The following RNF180 variants were observed in gnomAD, a reference collection of about 807,000 sequenced individuals.
RNF180 encodes the protein ring finger protein 180.
Under a neutral mutation model 59.2 loss-of-function variants are expected in RNF180, and 38 were observed. The ratio of observed to expected loss-of-function variants is 0.64; its 90% CI spans 0.50 to 0.84. The LOEUF is 0.84. Ranked by LOEUF, RNF180 falls within the 40% of genes least tolerant of loss-of-function variation. The pLI is 0.00. For missense variants in RNF180, 705 were observed against 700.9 expected (o/e 1.01, Z -0.07); for synonymous variants, 262 against 240.3 (o/e 1.09, Z -0.84).
chr5:64,197,247 A>G (rs1370351873), intron 1 of RNF180, among the ~76,000 whole-genome samples: 1 of 152,210 alleles, frequency 6.6e-6, no homozygotes. Flanking sequence ...TTTCGTTCCT[A>G]AGTATTTTAA....
chr5:64,186,528 C>T (rs576063495), intron 1 of RNF180, among the ~76,000 whole-genome samples: 1 of 152,072 alleles, frequency 6.6e-6, no homozygotes, highest in East Asian at 1.9e-4. Context: ...TAGAACCCCT[C>T]TCACCCTCTC....
At chr5:64,326,397 T>A (rs781431886) in intron 6 of RNF180, among the ~76,000 whole-genome samples, 30 of 152,142 alleles carry the variant, frequency 2.0e-4, no homozygotes, top group African/African-American at 6.3e-4. Context: ...AAGCATACAT[T>A]GCTTACTATA....
chr5:64,366,356 T>G (rs1746447451), intron 7 of RNF180, among the ~76,000 whole-genome samples: 1 of 151,614 alleles, frequency 6.6e-6, no homozygotes, highest in East Asian at 1.9e-4. Flanking sequence ...GACTACACTT[T>G]GTAGGTGGTC....
chr5:64,341,525 G>A (rs1038673468), intron 7 of RNF180, among the ~76,000 whole-genome samples: 1 of 152,104 alleles, frequency 6.6e-6, no homozygotes, highest in Non-Finnish European at 1.5e-5. Context: ...TGGGGCCATG[G>A]GCAATGTATG....
At chr5:64,346,318 A>G (rs544314665) in intron 7 of RNF180, among the ~76,000 whole-genome samples, 47 of 147,056 alleles carry the variant, frequency 3.2e-4, no homozygotes, top group Non-Finnish European at 5.7e-4. Flanking sequence ...AACAAAAACA[A>G]TTCCGGCTAC....
chr5:64,329,514 A>G (rs982809204), intron 6 of RNF180, among the ~76,000 whole-genome samples: 8 of 147,942 alleles, frequency 5.4e-5, no homozygotes, highest in Non-Finnish European at 8.9e-5. Context: ...CTGGAGTGCA[A>G]TGGTGCCATC....
intron 1 of RNF180, among the ~76,000 whole-genome samples, chr5:64,192,448 C>G (rs566514739): frequency 6.6e-6 from 1 of 151,906 alleles, no homozygotes; most frequent in Non-Finnish European, 1.5e-5. Context: ...CTGAGGCTGG[C>G]GGATCGTGAG....
At chr5:64,182,216 C>T (rs1396997435) in intron 1 of RNF180, among the ~76,000 whole-genome samples, 1 of 152,026 alleles carries the variant, frequency 6.6e-6, no homozygotes, top group East Asian at 1.9e-4. Context: ...TGGTCTTGAT[C>T]TCCTGACCTC....
chr5:64,190,957 T>A (rs1003864614), intron 1 of RNF180, among the ~76,000 whole-genome samples: 1 of 152,242 alleles, frequency 6.6e-6, no homozygotes, highest in Non-Finnish European at 1.5e-5. Context: ...TATATCATAC[T>A]GATGAAGTAT....
intron 5 of RNF180, among the ~76,000 whole-genome samples, chr5:64,219,540 G>C (rs1752802827): frequency 6.6e-6 from 1 of 151,874 alleles, no homozygotes. Flanking sequence ...AATTGACATG[G>C]AGTCTTGCTC....
At chr5:64,187,252 A>G (rs978509553) in intron 1 of RNF180, among the ~76,000 whole-genome samples, 5 of 152,204 alleles carry the variant, frequency 3.3e-5, no homozygotes, top group South Asian at 2.1e-4. Context: ...GGGACAGGAT[A>G]TGAAGTACTG....
chr5:64,346,733 C>T (rs1156383186), intron 7 of RNF180, among the ~76,000 whole-genome samples: 1 of 151,988 alleles, frequency 6.6e-6, no homozygotes, highest in Non-Finnish European at 1.5e-5. Flanking sequence ...ATATCCCAGA[C>T]CAATTAATTC....
chr5:64,344,130 A>G (rs2112568561), intron 7 of RNF180, among the ~76,000 whole-genome samples: 1 of 152,194 alleles, frequency 6.6e-6, no homozygotes, highest in African/African-American at 2.4e-5. Context: ...AAATGTAAAC[A>G]TTAAAAATTC....
At chr5:64,368,369 CT>C (rs1746528566) in intron 7 of RNF180, among the ~76,000 whole-genome samples, 1 of 151,654 alleles carries the variant, frequency 6.6e-6, no homozygotes, top group African/African-American at 2.4e-5. Context: ...AGAAAATATT[CT>C]CTTGAAAATA....
intron 1 of RNF180, 81 bp downstream of exon 1, chr5:64,166,034 C>T (rs1749613212): frequency 6.6e-6 from 1 of 152,466 alleles, no homozygotes; most frequent in Non-Finnish European, 1.5e-5. Flanking sequence ...GGGCCCTACC[C>T]AGCCGCGGTG....
chr5:64,338,657 C>T (rs1202522380), intron 7 of RNF180, among the ~76,000 whole-genome samples: 1 of 151,336 alleles, frequency 6.6e-6, no homozygotes, highest in Non-Finnish European at 1.5e-5. Context: ...AAAAGTAATG[C>T]TTTTAATATT....
At chr5:64,176,099 C>G (rs141399644) in intron 1 of RNF180, among the ~76,000 whole-genome samples, 1,650 of 152,226 alleles carry the variant, frequency 0.011, 8 homozygotes, top group Non-Finnish European at 0.017. Context: ...GCCCACAAAT[C>G]CTGGGCCTTT....
At chr5:64,226,919 TTGCAAATTGCC>T (rs1447090948) in intron 5 of RNF180, among the ~76,000 whole-genome samples, 2 of 152,198 alleles carry the variant, frequency 1.3e-5, no homozygotes, top group Non-Finnish European at 2.9e-5. Context: ...AAGTCCTGTC[TTGCAAATTGCC>T]AGGAAATTGC....
intron 5 of RNF180, among the ~76,000 whole-genome samples, chr5:64,235,316 T>G (rs183391006): frequency 6.6e-6 from 1 of 152,132 alleles, no homozygotes; most frequent in Non-Finnish European, 1.5e-5. Context: ...AAGCAGGCTA[T>G]ATGAGTATCT....
Sources: allele counts gnomAD v4.1 joint callset (sites outside exome capture counted in the v4.1 genomes callset), GRCh38; gene constraint gnomAD v4.1.1; transcripts MANE v1.5; gene names NCBI Gene and HGNC (gene_info 2026-07-23, HGNC 2026-07-21).